Variants in ACSL1 observed in about 807,000 individuals in gnomAD.
ACSL1 encodes the protein acyl-CoA synthetase long chain family member 1, also known as long-chain-fatty-acid--CoA ligase 1.
ACSL1 carries 41 observed loss-of-function variants against 98.4 expected under a neutral mutation model. The observed-to-expected ratio is 0.42, with a 90% confidence interval of 0.32 to 0.54. The LOEUF is 0.54. Ranked by LOEUF, ACSL1 falls within the 20% of genes least tolerant of loss-of-function variation. The pLI is 0.13. For missense variants in ACSL1, 734 were observed against 883.1 expected, an observed-to-expected ratio of 0.83 and a Z score of 2.14; for synonymous variants, 316 against 322.7, an observed-to-expected ratio of 0.98 and a Z score of 0.22.
chr4:184,757,765 G>A lies in ACSL1; in HGVS notation c.1884+54C>T. 1 of 1,610,220 alleles carries A rather than the reference G, an allele frequency of 6.2e-7. No individual in the cohort carries two copies. The highest frequency in any genetic ancestry group is 8.5e-7 in the Non-Finnish European group (1 of 1,176,602). On this transcript the variant is annotated intron_variant, in intron 19 of 20. Transcript: ENST00000281455. This position sits in a 1 kb window ranked among gnomAD's most constrained non-coding sequence, Gnocchi z 4.5. ...GTTAGAGGTCCCTGAATATCTACAG[G>A]TACATTTAATGCCAAGTTATGATGA...
At chr4:184,776,102 T>C (rs533813874) in intron 7 of ACSL1, among the ~76,000 whole-genome samples, 54 of 152,360 alleles carry the variant, frequency 3.5e-4, no homozygotes, top group Admixed American at 9.1e-4. Flanking sequence ...GAGGCTGATT[T>C]CTATACTTGG....
intron 5 of ACSL1, among the ~76,000 whole-genome samples, chr4:184,777,867 G>A (rs577697609): frequency 3.7e-4 from 56 of 152,260 alleles, no homozygotes; most frequent in Admixed American, 9.2e-4. Context: ...TAGTGAGAGC[G>A]ATCTGACTGG....
At chr4:184,791,739 G>T (rs1285121016) in intron 2 of ACSL1, among the ~76,000 whole-genome samples, 2 of 152,204 alleles carry the variant, frequency 1.3e-5, no homozygotes, top group African/African-American at 4.8e-5. Flanking sequence ...AGGGCAGTGG[G>T]AGTTGGGAGC....
chr4:184,784,085 C>T, intron 3 of ACSL1, 94 bp from the exon 4 acceptor site: 2 of 953,932 alleles, frequency 2.1e-6, no homozygotes, highest in Non-Finnish European at 3.3e-6. Context: ...TACTAAACAT[C>T]AGCTAGACTC....
chr4:184,786,830 G>A (rs1457064003), intron 3 of ACSL1, among the ~76,000 whole-genome samples: 2 of 151,888 alleles, frequency 1.3e-5, no homozygotes, highest in African/African-American at 4.8e-5. Flanking sequence ...AGTAGCGGGG[G>A]TTACAGACAT....
intron 1 of ACSL1, among the ~76,000 whole-genome samples, chr4:184,812,490 T>G (rs1290929473): frequency 6.6e-6 from 1 of 151,856 alleles, no homozygotes; most frequent in African/African-American, 2.4e-5. Context: ...CAGAAAGGAG[T>G]AGAGAACATC....
At chr4:184,767,725 C>A (rs1418185765) in intron 12 of ACSL1, among the ~76,000 whole-genome samples, 1 of 152,154 alleles carries the variant, frequency 6.6e-6, no homozygotes, top group East Asian at 1.9e-4. Flanking sequence ...AAAAGTCCTG[C>A]CTCAAAATAA....
chr4:184,774,686 T>C (rs932724743), intron 7 of ACSL1, among the ~76,000 whole-genome samples: 2 of 152,168 alleles, frequency 1.3e-5, no homozygotes, highest in African/African-American at 4.8e-5. Flanking sequence ...ACAGCTTGAA[T>C]GAGGATATGG....
chr4:184,819,001 T>A (rs976030238), intron 1 of ACSL1, among the ~76,000 whole-genome samples: 1 of 152,008 alleles, frequency 6.6e-6, no homozygotes, highest in Non-Finnish European at 1.5e-5. Flanking sequence ...CGCTGGTGCA[T>A]CTACAGCTGA....
At chr4:184,822,428 T>A (rs1579976019) in intron 1 of ACSL1, among the ~76,000 whole-genome samples, 1 of 152,204 alleles carries the variant, frequency 6.6e-6, no homozygotes, top group East Asian at 1.9e-4. Context: ...ACTGTGTTGT[T>A]TCTAACACAG....
chr4:184,822,618 A>T (rs994470248), intron 1 of ACSL1, among the ~76,000 whole-genome samples: 3 of 152,162 alleles, frequency 2.0e-5, no homozygotes, highest in Admixed American at 6.5e-5. Flanking sequence ...GTGCGCCTGT[A>T]GTCTAAGCTA....
At chr4:184,767,020 G>A (rs968141825) in intron 12 of ACSL1, among the ~76,000 whole-genome samples, 4 of 152,108 alleles carry the variant, frequency 2.6e-5, no homozygotes. Context: ...GGTGGCCCAC[G>A]CTTGTATTCC....
At chr4:184,790,057 A>G (rs181456585) in intron 2 of ACSL1, among the ~76,000 whole-genome samples, 5 of 152,266 alleles carry the variant, frequency 3.3e-5, no homozygotes, top group African/African-American at 1.2e-4. Flanking sequence ...AGGAGACACC[A>G]AAAAGAAGTG....
chr4:184,814,624 C>T (rs939813880), intron 1 of ACSL1, among the ~76,000 whole-genome samples: 1 of 152,116 alleles, frequency 6.6e-6, no homozygotes, highest in Non-Finnish European at 1.5e-5. Flanking sequence ...ACTTGCCATC[C>T]TAACTATTAG....
At chr4:184,765,273 T>A (rs142172978) in intron 14 of ACSL1, among the ~76,000 whole-genome samples, 252 of 152,296 alleles carry the variant, frequency 1.7e-3, no homozygotes, top group Middle Eastern at 3.4e-3. Context: ...TTACTACAGG[T>A]TGTCAGCATG....
chr4:184,815,697 C>A (rs1368679476), intron 1 of ACSL1, among the ~76,000 whole-genome samples: 1 of 152,104 alleles, frequency 6.6e-6, no homozygotes, highest in Non-Finnish European at 1.5e-5. Flanking sequence ...TAGCAGGACA[C>A]GGGTGAGAAG....
At chr4:184,806,040 A>G (rs1771375621) in intron 1 of ACSL1, among the ~76,000 whole-genome samples, 1 of 152,216 alleles carries the variant, frequency 6.6e-6, no homozygotes, top group Non-Finnish European at 1.5e-5. Context: ...ATACATAGGA[A>G]TTGAGCTACT....
chr4:184,809,643 A>T (rs1473844957), intron 1 of ACSL1, among the ~76,000 whole-genome samples: 2 of 151,960 alleles, frequency 1.3e-5, no homozygotes, highest in Non-Finnish European at 2.9e-5. Flanking sequence ...ATACAAAAAA[A>T]AAATTAGCCA....
intron 7 of ACSL1, 133 bp downstream of exon 7, chr4:184,776,351 C>T (rs1765281135): frequency 1.1e-6 from 1 of 917,664 alleles, no homozygotes; most frequent in African/African-American, 1.7e-5. Flanking sequence ...TTTCTGCTCT[C>T]TTTCATGGGT....
Sources: gnomAD v4.1 joint callset for allele counts (sites outside exome capture counted in the v4.1 genomes callset) on GRCh38, gnomAD v4.1.1 for gene constraint, Gnocchi (gnomAD v3.1) non-coding constraint, MANE v1.5 for transcripts, NCBI Gene and HGNC (gene_info 2026-07-23, HGNC 2026-07-21) for gene names.